YEATS2: variants seen among roughly 807,000 people sequenced by gnomAD.
YEATS2 encodes YEATS domain containing 2.
A neutral mutation model predicts 163.2 loss-of-function variants in YEATS2; 77 were observed. That is an observed-to-expected ratio of 0.47 (90% CI 0.39 to 0.57). YEATS2 has a LOEUF of 0.57. Among genes scored for constraint, YEATS2 ranks in the 20% least tolerant of loss-of-function variants. The pLI, the probability that YEATS2 is intolerant of heterozygous loss-of-function variation, is 0.00. For missense variants in YEATS2, 1,549 were observed against 1,729.8 expected, an observed-to-expected ratio of 0.90 and a Z score of 1.85; for synonymous variants, 631 against 645.1, an observed-to-expected ratio of 0.98 and a Z score of 0.33.
chr3:183,712,229 G>GTTATGTTATGTTATGTT (rs1715347256), intron 1 of YEATS2, among the ~76,000 whole-genome samples: 3 of 63,832 alleles, frequency 4.7e-5, no homozygotes, highest in African/African-American at 2.1e-4. Flanking sequence ...TTTATTTTTT[G>GTTATGTTATGTTATGTT]AGACAGAGTC....
At chr3:183,748,845 C>T (rs978082026) in intron 9 of YEATS2, among the ~76,000 whole-genome samples, 7 of 152,122 alleles carry the variant, frequency 4.6e-5, no homozygotes, top group Admixed American at 2.0e-4. Context: ...GCAGTCCTCC[C>T]ACCTCAGCAT....
chr3:183,779,709 A>AT lies in YEATS2; in HGVS notation c.2736+2016dup, dbSNP rs1577176621. Among the ~76,000 whole-genome samples the AT allele has an allele frequency of 2.0e-5, 3 of 151,594 alleles. No individual in the cohort carries two copies. In the East Asian group the frequency reaches 5.8e-4, roughly 29 times the overall value. Reference sequence around the variant, plus strand: ...TTATTTATTTATTTATTTTTTATATATTTTTTTGAGACACAGCCTTGCTCT... The same window carrying AT: ...TTATTTATTTATTTATTTTTTATATATTTTTTTTGAGACACAGCCTTGCTCT... On this transcript the variant is annotated intron_variant, in intron 19 of 30. Coordinates refer to ENST00000305135, the MANE Select transcript of YEATS2 (RefSeq NM_018023.5).
At chr3:183,699,596 G>A (rs1713853345) in intron 1 of YEATS2, among the ~76,000 whole-genome samples, 1 of 151,910 alleles carries the variant, frequency 6.6e-6, no homozygotes, top group African/African-American at 2.4e-5. Flanking sequence ...GATATTCAAA[G>A]GTATGGTGCT....
intron 19 of YEATS2, among the ~76,000 whole-genome samples, chr3:183,784,308 A>T (rs1461358081): frequency 6.6e-6 from 1 of 152,122 alleles, no homozygotes; most frequent in Non-Finnish European, 1.5e-5. Context: ...GTGAGATGAT[A>T]TTGTGGTTTT....
intron 11 of YEATS2, among the ~76,000 whole-genome samples, chr3:183,755,972 A>T (rs943946705): frequency 1.3e-5 from 2 of 151,526 alleles, no homozygotes; most frequent in Admixed American, 6.6e-5. Context: ...TCTCGAACTC[A>T]CAACCTCAGG....
At chr3:183,714,888 G>A (rs369851263) in intron 1 of YEATS2, among the ~76,000 whole-genome samples, 2 of 151,218 alleles carry the variant, frequency 1.3e-5, no homozygotes, top group African/African-American at 4.9e-5. Flanking sequence ...GGAAACCCAT[G>A]CTTGTTAACA....
At chr3:183,808,940 A>G in intron 29 of YEATS2, 157 bp from the exon 30 acceptor site, 7 of 512,474 alleles carry the variant, frequency 1.4e-5, no homozygotes, top group East Asian at 3.4e-5. Flanking sequence ...CTTTATCATT[A>G]TGGTCTATTA....
chr3:183,740,517 G>A (rs1243088638), intron 8 of YEATS2, among the ~76,000 whole-genome samples: 1 of 152,234 alleles, frequency 6.6e-6, no homozygotes, highest in Non-Finnish European at 1.5e-5. Flanking sequence ...GAAAGTCTCA[G>A]TGATCTGTAT....
At chr3:183,710,967 C>T (rs1007953834) in intron 1 of YEATS2, among the ~76,000 whole-genome samples, 7 of 152,198 alleles carry the variant, frequency 4.6e-5, no homozygotes, top group Non-Finnish European at 1.0e-4. Flanking sequence ...GTTTAGGTAT[C>T]TGCTGGGCTA....
In YEATS2 at chr3:183,787,824, C is replaced by T. The variant is rs546115496; in HGVS notation, c.2913+1523C>T. On this transcript the variant is annotated intron_variant, in intron 20 of 30. Coordinates refer to ENST00000305135, the MANE Select transcript of YEATS2 (RefSeq NM_018023.5). ...ATCCTGGCTAACAAGGTGAAACCCC[C>T]GTCTCTACTAAAAATACAAAAAAAA... Among the ~76,000 whole-genome samples, 20 of 151,784 alleles carry T rather than the reference C, an allele frequency of 1.3e-4. No individual in the cohort carries two copies. In the South Asian group the frequency reaches 1.5e-3, roughly 11 times the overall value.
chr3:183,733,682 G>A (rs1341277975), intron 7 of YEATS2, among the ~76,000 whole-genome samples: 3 of 152,166 alleles, frequency 2.0e-5, no homozygotes, highest in African/African-American at 7.2e-5. Flanking sequence ...CTGGATCAAA[G>A]CACAAATGTT....
chr3:183,800,652 G>T, intron 24 of YEATS2, 84 bp downstream of exon 24: 1 of 1,136,960 alleles, frequency 8.8e-7, no homozygotes, highest in Non-Finnish European at 1.3e-6. Context: ...AGAGTTGTGT[G>T]TGTGTAGCTC....
intron 20 of YEATS2, among the ~76,000 whole-genome samples, chr3:183,790,481 A>G (rs904559825): frequency 6.6e-6 from 1 of 152,196 alleles, no homozygotes; most frequent in Non-Finnish European, 1.5e-5. Context: ...TTCTGAGAAT[A>G]TGTCCTCCTA....
At chr3:183,738,129 C>T (rs1224423119) in intron 8 of YEATS2, among the ~76,000 whole-genome samples, 33 of 152,078 alleles carry the variant, frequency 2.2e-4, no homozygotes. Context: ...TCTGACTGTT[C>T]CAGCAACCAG....
Position 183,808,120 on chromosome 3 carries a change from G to A in YEATS2, c.4086+16G>A. 1 of 1,549,034 alleles carries A rather than the reference G, an allele frequency of 6.5e-7. No homozygotes were observed. Among genetic ancestry groups the A allele is most frequent in the South Asian group, 1.2e-5 (1 of 83,842 alleles). ...GATCCTGAAGGTGGGTGCCTGCAGG[G>A]GCCGCCAGCCAGGAAGGATGGTTGC... On this transcript the variant is annotated intron_variant, in intron 29 of 30. Coordinates refer to ENST00000305135, the MANE Select transcript of YEATS2 (RefSeq NM_018023.5).
chr3:183,733,279 T>C (rs1224185114), intron 7 of YEATS2, among the ~76,000 whole-genome samples: 1 of 152,244 alleles, frequency 6.6e-6, no homozygotes. Context: ...TTCATATGCT[T>C]TATGTACCAC....
At chr3:183,778,091 G>A (rs1204488975) in intron 19 of YEATS2, among the ~76,000 whole-genome samples, 1 of 123,938 alleles carries the variant, frequency 8.1e-6, no homozygotes, top group Admixed American at 1.0e-4. Context: ...CATCCTGGGC[G>A]ACAGAGCAAG....
At chr3:183,783,676 A>T (rs1488817314) in intron 19 of YEATS2, among the ~76,000 whole-genome samples, 1 of 152,118 alleles carries the variant, frequency 6.6e-6, no homozygotes, top group Non-Finnish European at 1.5e-5. Context: ...GCATTCATTC[A>T]CTTAGGATAA....
intron 6 of YEATS2, among the ~76,000 whole-genome samples, 188 bp downstream of exon 6, chr3:183,724,719 G>A (rs1716886949): frequency 6.6e-6 from 1 of 152,154 alleles, no homozygotes; most frequent in Non-Finnish European, 1.5e-5. Flanking sequence ...AGCAAAGTCA[G>A]AATTTGAATC....
Sources: gnomAD v4.1 joint callset for allele counts (sites outside exome capture counted in the v4.1 genomes callset) on GRCh38, gnomAD v4.1.1 for gene constraint, MANE v1.5 for transcripts, NCBI Gene and HGNC (gene_info 2026-07-23, HGNC 2026-07-21) for gene names.